GPR149: variants seen among roughly 807,000 people sequenced by gnomAD.
The protein encoded by GPR149 is probable G protein-coupled receptor 149.
Under a neutral mutation model 50.2 loss-of-function variants are expected in GPR149, and 50 were observed. The ratio of observed to expected loss-of-function variants is 1.00; its 90% CI spans 0.79 to 1.26. GPR149 has a LOEUF of 1.26. GPR149 is among the 50% of genes most tolerant of loss of function. The pLI is 0.00. For synonymous variants in GPR149, 405 were observed against 358.2 expected, an observed-to-expected ratio of 1.13 and a Z score of -1.48; for missense variants, 983 against 895.4, an observed-to-expected ratio of 1.10 and a Z score of -1.25.
chr3:154,383,535 A>G (rs1714978731), intron 3 of GPR149, among the ~76,000 whole-genome samples: 2 of 152,158 alleles, frequency 1.3e-5, no homozygotes, highest in African/African-American at 2.4e-5. Context: ...GACTTGATAC[A>G]GTCATATGTG....
intron 3 of GPR149, among the ~76,000 whole-genome samples, chr3:154,383,336 A>C (rs1714974251): frequency 6.6e-6 from 1 of 152,160 alleles, no homozygotes; most frequent in Non-Finnish European, 1.5e-5. Flanking sequence ...TGCTTCTTTG[A>C]AATCATGGGC....
intron 3 of GPR149, among the ~76,000 whole-genome samples, chr3:154,361,217 C>T (rs1714371527): frequency 6.6e-6 from 1 of 152,226 alleles, no homozygotes; most frequent in East Asian, 1.9e-4. Flanking sequence ...AAAAAGAATG[C>T]TAATGATGAA....
chr3:154,354,986 G>A (rs1026446615), intron 3 of GPR149, among the ~76,000 whole-genome samples: 1 of 152,104 alleles, frequency 6.6e-6, no homozygotes, highest in African/African-American at 2.4e-5. Flanking sequence ...TGGCCAAAAC[G>A]TAAGCTTCTG....
At chr3:154,355,685 A>G (rs1431201489) in intron 3 of GPR149, among the ~76,000 whole-genome samples, 1 of 152,246 alleles carries the variant, frequency 6.6e-6, no homozygotes, top group Non-Finnish European at 1.5e-5. Context: ...AAATTTCATC[A>G]GGAATAAATG....
intron 3 of GPR149, among the ~76,000 whole-genome samples, chr3:154,340,442 T>C (rs1384110260): frequency 2.6e-5 from 4 of 152,166 alleles, no homozygotes; most frequent in Non-Finnish European, 1.5e-5. Flanking sequence ...GAGAAGTAGG[T>C]TTCATTCCTA....
At chr3:154,384,778 T>A (rs1715011054) in intron 3 of GPR149, among the ~76,000 whole-genome samples, 2 of 152,214 alleles carry the variant, frequency 1.3e-5, no homozygotes, top group South Asian at 4.1e-4. Context: ...TTTTGTAGAA[T>A]TACTCTGTGC....
chr3:154,345,478 C>T (rs1035532256), intron 3 of GPR149, among the ~76,000 whole-genome samples: 3 of 152,134 alleles, frequency 2.0e-5, no homozygotes, highest in African/African-American at 7.2e-5. Context: ...TTAGCATATG[C>T]TGTCAGGAAT....
intron 3 of GPR149, among the ~76,000 whole-genome samples, chr3:154,402,105 A>G (rs1711563449): frequency 6.6e-6 from 1 of 152,218 alleles, no homozygotes; most frequent in South Asian, 2.1e-4. Context: ...AATAAAAATA[A>G]TGAGAGATCC....
intron 3 of GPR149, among the ~76,000 whole-genome samples, chr3:154,363,266 GT>G (rs1386926102): frequency 3.3e-5 from 5 of 152,022 alleles, no homozygotes; most frequent in African/African-American, 1.2e-4. Flanking sequence ...GCTGTGATGT[GT>G]AGATCAGAGG....
At position 154,338,497 on chromosome 3, in the gene GPR149, G is replaced by C. The variant is rs142411752; in HGVS notation, c.1624-226C>G. ...TGAGGGTAGTTAGGAACCTTTATTTGAAGATGAGGGGCATATTTCCCCAGT... is the reference window on the plus strand; with the variant it reads ...TGAGGGTAGTTAGGAACCTTTATTTCAAGATGAGGGGCATATTTCCCCAGT... On this transcript the variant is annotated intron_variant, in intron 3 of 3. Coordinates refer to ENST00000389740, the MANE Select transcript of GPR149 (RefSeq NM_001038705.3). Among the ~76,000 whole-genome samples the C allele has an allele frequency of 5.6e-3, 860 of 152,250 alleles. 6 individuals are homozygous for C. Among genetic ancestry groups the C allele is most frequent in the African/African-American group, 0.02 (836 of 41,538 alleles).
Position 154,429,161 on chromosome 3 carries a change from C to T in GPR149, c.455G>A (p.Gly152Asp). Residue 152 changes from glycine to aspartate, a missense_variant, in exon 1 of 4, where the codon GGC becomes GAC. Coordinates refer to ENST00000389740, the MANE Select transcript of GPR149 (RefSeq NM_001038705.3). The stretch of plus-strand genomic sequence containing the variant: ...GGCTGCCCACACGGTCAGCACCACG[C>T]CGAGCACCTGGCCCGATCTTCTGGA... ...TASRRSGQVL[G>D]VVLTVWAASL... 6.2e-7 allele frequency: 1 copy of T among 1,613,830 alleles called. No homozygotes were observed. The highest frequency in any genetic ancestry group is 2.2e-5 in the East Asian group (1 of 44,846).
intron 3 of GPR149, among the ~76,000 whole-genome samples, chr3:154,413,961 C>T (rs1380550686): frequency 1.6e-5 from 2 of 128,390 alleles, no homozygotes; most frequent in Admixed American, 8.2e-5. Flanking sequence ...TATATATATA[C>T]ATGGAATACT....
intron 2 of GPR149, among the ~76,000 whole-genome samples, chr3:154,423,322 C>T (rs1712198774): frequency 6.6e-6 from 1 of 151,826 alleles, no homozygotes; most frequent in South Asian, 2.1e-4. Flanking sequence ...CAGACGAAAG[C>T]TACTGAAGAT....
At chr3:154,422,115 G>A (rs1466802910) in intron 2 of GPR149, among the ~76,000 whole-genome samples, 1 of 151,550 alleles carries the variant, frequency 6.6e-6, no homozygotes, top group African/African-American at 2.4e-5. Context: ...GTAAAAATTA[G>A]ATGGATTAAT....
At chr3:154,363,986 A>C (rs993323732) in intron 3 of GPR149, among the ~76,000 whole-genome samples, 1 of 152,154 alleles carries the variant, frequency 6.6e-6, no homozygotes, top group Non-Finnish European at 1.5e-5. Context: ...GAAATGCAGG[A>C]GTGGAAGCTG....
chr3:154,352,811 T>C, intron 3 of GPR149: 1 of 866,410 alleles, frequency 1.2e-6, no homozygotes, highest in South Asian at 1.3e-5. Flanking sequence ...CATTTAAAAG[T>C]AATTCTTGCT....
Position 154,337,707 on chromosome 3 carries a change from C to T in GPR149, c.2188G>A (p.Gly730Ser), listed in dbSNP as rs1713686638. Residue 730 changes from glycine (G) to serine (S), a missense_variant, in exon 4 of 4, where the codon GGT (glycine) becomes AGT (serine). Gly to Ser is a moderately conservative substitution (Grantham distance 56). Transcript: ENST00000389740. ...GTTAGACCAAATACCCACTAACTAC[C>T]CTTGCTTTCTTCCTCTCTTTTTCTG... is the stretch of plus-strand genomic sequence containing the variant. ...AYRKREEESKGS is the reference protein window; with the variant it reads ...AYRKREEESKSS 1.3e-6 allele frequency: 2 copies of T among 1,593,008 alleles called. No homozygotes were observed. The highest frequency in any genetic ancestry group is 1.2e-5 in the South Asian group (1 of 86,744).
rs145255513 is a variant in GPR149, at chr3:154,375,416, T to G, written c.1624-37145A>C. Among the ~76,000 whole-genome samples the G allele has an allele frequency of 3.3e-4, 50 of 152,346 alleles. 2 individuals are homozygous for G. The East Asian group carries it at 6.2e-3, about 19-fold the overall frequency. ...TTGGTATTAACTCCCTATAAATTCCTGTCCAAAATACCTGTAGGCTATTTT... is the reference window on the plus strand; with the variant it reads ...TTGGTATTAACTCCCTATAAATTCCGGTCCAAAATACCTGTAGGCTATTTT... On this transcript the variant is annotated intron_variant, in intron 3 of 3. Transcript: ENST00000389740.
intron 3 of GPR149, among the ~76,000 whole-genome samples, chr3:154,398,163 T>G (rs1715337989): frequency 6.6e-6 from 1 of 152,154 alleles, no homozygotes; most frequent in Non-Finnish European, 1.5e-5. Context: ...GATATTAATC[T>G]CAGTTCAACT....
Sources: gnomAD v4.1 joint callset for allele counts (sites outside exome capture counted in the v4.1 genomes callset) on GRCh38, gnomAD v4.1.1 for gene constraint, MANE v1.5 for transcripts, NCBI Gene and HGNC (gene_info 2026-07-23, HGNC 2026-07-21) for gene names.